Variants in DST observed in about 807,000 individuals in gnomAD.
DST encodes the protein dystonin, also known as bullous pemphigoid antigen.
In DST, 253 loss-of-function variants were observed where a neutral mutation model predicts 875.2. That is an observed-to-expected ratio of 0.29 (90% CI 0.26 to 0.32). DST has a LOEUF of 0.32. DST is among the 10% of genes least tolerant of loss of function. The pLI is 1.00. For missense variants in DST, 8,287 were observed against 9,111.6 expected, an observed-to-expected ratio of 0.91 and a Z score of 3.68; for synonymous variants, 3,124 against 3,197.1, an observed-to-expected ratio of 0.98 and a Z score of 0.77.
At chr6:56,492,206 A>C in intron 85 of DST, 21 bp downstream of exon 85, 1 of 1,607,004 alleles carries the variant, frequency 6.2e-7, no homozygotes, top group Non-Finnish European at 8.5e-7. Context: ...AGTTCAGAGA[A>C]TTTTTCTAAA....
intron 38 of DST, 135 bp from the exon 39 acceptor site, chr6:56,610,697 T>C (rs1481415681): frequency 1.9e-5 from 12 of 629,738 alleles, no homozygotes; most frequent in Non-Finnish European, 2.3e-5. Flanking sequence ...GGTCTCAGTA[T>C]GACTGTATAT....
At chr6:56,663,928 G>T (rs6926778) in intron 10 of DST, among the ~76,000 whole-genome samples, 1,856 of 152,162 alleles carry the variant, frequency 0.012, 30 homozygotes, top group African/African-American at 0.042. Context: ...TGAAAAGACT[G>T]CCAGGGACAT....
chr6:56,686,225 G>T (rs1159552798), intron 9 of DST, among the ~76,000 whole-genome samples: 4 of 152,176 alleles, frequency 2.6e-5, no homozygotes, highest in African/African-American at 9.7e-5. Context: ...CACATTTTCT[G>T]ACTTATCAGT....
intron 3 of DST, among the ~76,000 whole-genome samples, chr6:56,856,337 C>T (rs757195569): frequency 6.6e-6 from 1 of 152,094 alleles, no homozygotes; most frequent in East Asian, 1.9e-4. Context: ...CTACAGGCAA[C>T]GGAGAAAAGT....
intron 51 of DST, 108 bp from the exon 52 acceptor site, chr6:56,573,172 CCTAGG>C: frequency 3.1e-6 from 3 of 981,748 alleles, no homozygotes; most frequent in Non-Finnish European, 4.4e-6. Context: ...ACAACCTGTG[CCTAGG>C]AAGGTTAACA....
intron 15 of DST, among the ~76,000 whole-genome samples, chr6:56,643,604 G>A (rs1331459441): frequency 6.6e-6 from 1 of 152,018 alleles, no homozygotes; most frequent in African/African-American, 2.4e-5. Context: ...GCTATTACTC[G>A]CAATACATAG....
chr6:56,683,826 T>A (rs1478010049), intron 9 of DST, among the ~76,000 whole-genome samples: 1 of 152,148 alleles, frequency 6.6e-6, no homozygotes, highest in East Asian at 1.9e-4. Context: ...CACAAAAGTG[T>A]CCAATGGGGA....
intron 65 of DST, 21 bp downstream of exon 65, chr6:56,529,953 A>G (rs923407593): frequency 6.2e-7 from 1 of 1,611,552 alleles, no homozygotes; most frequent in Non-Finnish European, 8.5e-7. Context: ...GAACCTCGCT[A>G]ATGTGTGATT....
chr6:56,522,379 A>G lies in DST; in HGVS notation c.18129+3982T>C, dbSNP rs570238127. Among the ~76,000 whole-genome samples, 77 of 152,248 alleles carry G rather than the reference A, an allele frequency of 5.1e-4. 1 individual carries two copies. The highest frequency in any genetic ancestry group is 1.2e-3 in the Admixed American group (18 of 15,276). On this transcript the variant is annotated intron_variant, in intron 69 of 103. Transcript: ENST00000680361. ...CCAAATATCACAACAGTCAATACAC[A>G]ATAGGTTTTAATAGAGGTTTAAGGC... is the stretch of plus-strand genomic sequence containing the variant.
At chr6:56,940,981 T>C (rs1205079772) in intron 2 of DST, among the ~76,000 whole-genome samples, 1 of 152,226 alleles carries the variant, frequency 6.6e-6, no homozygotes, top group East Asian at 1.9e-4. Context: ...TACAAGTTTA[T>C]AAACTTTGTT....
rs4712137 is a variant in DST at position 56,591,949 on chromosome 6, T to G, written c.12903+233A>C. 0.32 allele frequency among the ~76,000 whole-genome samples: 42,225 copies of G among 133,352 alleles called. 7,567 individuals are homozygous for G. Among genetic ancestry groups the G allele is most frequent in the Middle Eastern group, 0.49 (113 of 232 alleles). 87.5% of individuals were successfully genotyped at this position (133,352 alleles called of 152,430 possible). ...GTGAGCTGAGATCACACTACTGCAC[T>G]CCAGCCTACACGATGGAGTGAGACT... On this transcript the variant is annotated intron_variant, in intron 49 of 103. Coordinates refer to ENST00000680361, the MANE Select transcript of DST (RefSeq NM_001374736.1).
intron 4 of DST, among the ~76,000 whole-genome samples, chr6:56,836,860 A>AAG (rs1181673142): frequency 6.8e-6 from 1 of 147,682 alleles, no homozygotes; most frequent in Non-Finnish European, 1.5e-5. Context: ...CAAAAAAAAA[A>AAG]AAAGAAAGAA....
chr6:56,569,475 C>T (rs2097746827), intron 54 of DST, among the ~76,000 whole-genome samples: 1 of 151,976 alleles, frequency 6.6e-6, no homozygotes, highest in East Asian at 1.9e-4. Context: ...CTTCTCTTTC[C>T]AAATACTCTT....
intron 4 of DST, among the ~76,000 whole-genome samples, chr6:56,834,692 C>G (rs1404843641): frequency 6.6e-6 from 1 of 152,030 alleles, no homozygotes; most frequent in African/African-American, 2.4e-5. Context: ...GGCTAAAATA[C>G]AAAACAGTGA....
chr6:56,761,891 C>T (rs557774308), intron 4 of DST, among the ~76,000 whole-genome samples: 8 of 152,192 alleles, frequency 5.3e-5, no homozygotes, highest in Non-Finnish European at 1.0e-4. Flanking sequence ...ACAGCTTTTG[C>T]TTTCACTACA....
rs932780205 is a variant in DST at position 56,615,261 on chromosome 6, A to C, written c.4930-777T>G. The C allele has an allele frequency of 2.4e-6, 3 of 1,275,550 alleles. No individual in the cohort carries two copies. The African/African-American group carries it at 4.5e-5, about 19-fold the overall frequency. 79.0% of individuals were successfully genotyped at this position (1,275,550 alleles called of 1,614,324 possible). Reference sequence around the variant, plus strand: ...TTTATCCCACATTCTACGTAAAAAAAAAAACATTTTAGTGTGGCCAAGTTT... The same window carrying C: ...TTTATCCCACATTCTACGTAAAAAACAAAACATTTTAGTGTGGCCAAGTTT... On this transcript the variant is annotated intron_variant, in intron 36 of 103. Coordinates refer to ENST00000680361, the MANE Select transcript of DST (RefSeq NM_001374736.1).
chr6:56,518,459 G>C (rs1392825879), intron 69 of DST, among the ~76,000 whole-genome samples: 1 of 133,744 alleles, frequency 7.5e-6, no homozygotes. Flanking sequence ...CATTTCCCAT[G>C]TCATACTCCT....
rs754362910 is a variant in DST at position 56,619,067 on chromosome 6, C to G, written c.4930-4583G>C. On this transcript the variant is annotated intron_variant, in intron 36 of 103. Transcript: ENST00000680361. ...CTTAAATTCACTTACCAAATTTTGA[C>G]TTTTCGCCAGGTCTTCTTCTAGGCA... 5.0e-6 allele frequency: 8 copies of G among 1,613,982 alleles called. No individual in the cohort carries two copies. In the South Asian group the frequency reaches 7.7e-5, roughly 16 times the overall value.
chr6:56,823,059 C>T (rs974844321), intron 4 of DST, among the ~76,000 whole-genome samples: 1 of 152,070 alleles, frequency 6.6e-6, no homozygotes, highest in Non-Finnish European at 1.5e-5. Context: ...TGTCCAACTC[C>T]TGGCCTCAAG....
Sources: allele counts gnomAD v4.1 joint callset (sites outside exome capture counted in the v4.1 genomes callset), GRCh38; gene constraint gnomAD v4.1.1; transcripts MANE v1.5; gene names NCBI Gene and HGNC (gene_info 2026-07-23, HGNC 2026-07-21).